Variants in KLHL3 observed in about 807,000 individuals in gnomAD.
KLHL3 encodes the protein kelch-like protein 3.
Under a neutral mutation model 70.5 loss-of-function variants are expected in KLHL3, and 19 were observed. That is an observed-to-expected ratio of 0.27 (90% CI 0.19 to 0.40). KLHL3 has a LOEUF of 0.40. Ranked by LOEUF, KLHL3 falls within the 10% of genes least tolerant of loss-of-function variation. The probability of loss-of-function intolerance (pLI) is 1.00; values close to 1 mark genes in which losing one functional copy is unlikely to be tolerated. For missense variants in KLHL3, 512 were observed against 771.1 expected (o/e 0.66, Z 3.98); for synonymous variants, 258 against 290.3 (o/e 0.89, Z 1.13).
At chr5:137,708,638 G>A (rs1283946758) in intron 3 of KLHL3, among the ~76,000 whole-genome samples, 1 of 152,134 alleles carries the variant, frequency 6.6e-6, no homozygotes, top group Non-Finnish European at 1.5e-5. Context: ...GGAGAGACAG[G>A]TAAAAAACAC....
At chr5:137,654,456 G>C (rs1009792831) in intron 8 of KLHL3, among the ~76,000 whole-genome samples, 1 of 152,134 alleles carries the variant, frequency 6.6e-6, no homozygotes, top group Non-Finnish European at 1.5e-5. Flanking sequence ...ATATGAATAG[G>C]ACAGACCTAT....
At chr5:137,663,455 C>T (rs1580742705) in intron 6 of KLHL3, among the ~76,000 whole-genome samples, 1 of 151,882 alleles carries the variant, frequency 6.6e-6, no homozygotes, top group African/African-American at 2.4e-5. Flanking sequence ...AACCTCCGCA[C>T]ATCCTCCCAT....
In KLHL3 at chr5:137,735,888, C is replaced by G. The variant is rs1322722820; in HGVS notation, c.-242G>C. Reference sequence around the variant, plus strand: ...TACCCAGAGCTCCCTGCAGCCCTTTCAGCTGCTAAAAGCAGCAACCCACTT... The same window carrying G: ...TACCCAGAGCTCCCTGCAGCCCTTTGAGCTGCTAAAAGCAGCAACCCACTT... On this transcript the variant is annotated 5_prime_UTR_variant, in exon 1 of 15. Coordinates refer to ENST00000309755, the MANE Select transcript of KLHL3 (RefSeq NM_017415.3). 1.0e-5 allele frequency: 6 copies of G among 582,130 alleles called. No individual in the cohort carries two copies. Among genetic ancestry groups the G allele is most frequent in the Non-Finnish European group, 1.9e-5 (6 of 321,608 alleles). The allele number at this position is 582,130 out of a possible 1,614,324, so 36.1% of individuals were successfully genotyped here. A position where few individuals can be genotyped will look rare whatever the true frequency, so the allele number is the denominator to read the frequency against.
Position 137,677,317 on chromosome 5 carries a change from G to A in KLHL3, c.636+228C>T, listed in dbSNP as rs184790856. 6.9e-3 allele frequency: 2,419 copies of A among 353,060 alleles called. 16 individuals carry two copies. Among genetic ancestry groups the A allele is most frequent in the Middle Eastern group, 0.012 (17 of 1,408 alleles). The allele number at this position is 353,060 out of a possible 1,614,324, so 21.9% of individuals were successfully genotyped here. Reference sequence around the variant, plus strand: ...CAAAAAATTAGCTGGGCATGGTGGCGGGTGCCTATAATCCCAGCTACTCAG... The same window carrying A: ...CAAAAAATTAGCTGGGCATGGTGGCAGGTGCCTATAATCCCAGCTACTCAG... On this transcript the variant is annotated intron_variant, in intron 6 of 14. Coordinates refer to ENST00000309755, the MANE Select transcript of KLHL3 (RefSeq NM_017415.3).
At chr5:137,631,026 T>C (rs916451533) in intron 12 of KLHL3, among the ~76,000 whole-genome samples, 1 of 148,274 alleles carries the variant, frequency 6.7e-6, no homozygotes, top group Admixed American at 6.8e-5. Flanking sequence ...TGGTCATATG[T>C]TTGGTACTAT....
rs199469643 is a variant in KLHL3 at position 137,637,323 on chromosome 5, C to T, written c.1292G>A (p.Arg431Gln). ...CACAACGCCCACACCCACACTGCTC[C>T]GCCGCGTGTTCATCGGGGCCACAAA... The part of the protein sequence containing the change: ...WFFVAPMNTR[R>Q]SSVGVGVVEG... The change falls in exon 11 of 15, where the codon CGG becomes CAG. Residue 431 changes from arginine to glutamine, a missense_variant. Transcript: ENST00000309755. The T allele has an allele frequency of 1.5e-5, 25 of 1,613,960 alleles. No homozygotes were observed. The highest frequency in any genetic ancestry group is 1.7e-5 in the Admixed American group (1 of 60,004).
intron 2 of KLHL3, among the ~76,000 whole-genome samples, chr5:137,718,294 T>C (rs1438936136): frequency 1.3e-5 from 2 of 152,192 alleles, no homozygotes; most frequent in African/African-American, 4.8e-5. Flanking sequence ...TAGTAACTTG[T>C]AACAGAAGTA....
chr5:137,666,431 C>T (rs1237769397), intron 6 of KLHL3, among the ~76,000 whole-genome samples: 3 of 152,178 alleles, frequency 2.0e-5, no homozygotes, highest in Admixed American at 1.3e-4. Context: ...TGTCTCTGCA[C>T]GCCATCTCCC....
Position 137,735,894 on chromosome 5 carries a change from C to A in KLHL3, c.-248G>T. On this transcript the variant is annotated 5_prime_UTR_variant, in exon 1 of 15. The change abolishes the stop of an existing upstream ORF in the 5' untranslated region. Coordinates refer to ENST00000309755, the MANE Select transcript of KLHL3 (RefSeq NM_017415.3). ...GAGCTCCCTGCAGCCCTTTCAGCTG[C>A]TAAAAGCAGCAACCCACTTGCTCCC... 1.8e-6 allele frequency: 1 copy of A among 567,516 alleles called. No individual in the cohort carries two copies. 35.2% of individuals were successfully genotyped at this position (567,516 alleles called of 1,614,324 possible). A position where few individuals can be genotyped will look rare whatever the true frequency, so the allele number is the denominator to read the frequency against.
At chr5:137,731,300 T>A (rs370496160) in intron 1 of KLHL3, among the ~76,000 whole-genome samples, 1 of 152,338 alleles carries the variant, frequency 6.6e-6, no homozygotes, top group East Asian at 1.9e-4. Context: ...TGCGTGCACA[T>A]CTGCTTCAGG....
chr5:137,724,159 T>C (rs1409061991), intron 1 of KLHL3, among the ~76,000 whole-genome samples: 2 of 152,332 alleles, frequency 1.3e-5, no homozygotes, highest in Admixed American at 1.3e-4. Context: ...CAAGTATTCA[T>C]TATAAATATT....
chr5:137,682,553 A>T (rs919451295), intron 5 of KLHL3, among the ~76,000 whole-genome samples: 2 of 152,106 alleles, frequency 1.3e-5, no homozygotes, highest in Non-Finnish European at 2.9e-5. Flanking sequence ...CAAATCTCAG[A>T]CCTAACCCCA....
chr5:137,626,763 G>A lies in KLHL3; in HGVS notation c.1592-867C>T, dbSNP rs191431670. On this transcript the variant is annotated intron_variant, in intron 13 of 14. Coordinates refer to ENST00000309755, the MANE Select transcript of KLHL3 (RefSeq NM_017415.3). ...TCACACCTGTAATCCCAGCACTTTG[G>A]GAGGCCAAGGCAGATGGATCACTTG... is the stretch of plus-strand genomic sequence containing the variant. Among the ~76,000 whole-genome samples the A allele has an allele frequency of 1.2e-3, 188 of 152,250 alleles. 1 individual carries two copies. The highest frequency in any genetic ancestry group is 2.3e-3 in the Non-Finnish European group (158 of 68,022).
At chr5:137,693,580 C>A (rs1402792469) in intron 4 of KLHL3, among the ~76,000 whole-genome samples, 1 of 152,102 alleles carries the variant, frequency 6.6e-6, no homozygotes, top group Non-Finnish European at 1.5e-5. Flanking sequence ...CCTATGGAAG[C>A]AGCAGGTAGT....
chr5:137,699,229 G>T (rs1408407954), intron 3 of KLHL3, among the ~76,000 whole-genome samples: 1 of 152,202 alleles, frequency 6.6e-6, no homozygotes, highest in Non-Finnish European at 1.5e-5. Context: ...CAAAGGTGAG[G>T]AAGGATGAGC....
At chr5:137,658,030 G>A in intron 8 of KLHL3, 101 bp downstream of exon 8, 1 of 1,181,288 alleles carries the variant, frequency 8.5e-7, no homozygotes, top group Non-Finnish European at 1.2e-6. Flanking sequence ...CAACCAAGAT[G>A]CAGGGCAGCC....
At position 137,618,449 on chromosome 5, in the gene KLHL3, A is replaced by G. The variant is rs1756286243; in HGVS notation, c.*3649T>C. 1 of 152,230 alleles carries G rather than the reference A, an allele frequency of 6.6e-6. No homozygotes were observed. Among genetic ancestry groups the G allele is most frequent in the Admixed American group, 6.5e-5 (1 of 15,288 alleles). 9.4% of individuals were successfully genotyped at this position (152,230 alleles called of 1,614,324 possible). ...AGCAAGTTGTAAGTGTAGTGTGAGCACCTGCAAAGCATATGCTTAACACAC... is the reference window on the plus strand; with the variant it reads ...AGCAAGTTGTAAGTGTAGTGTGAGCGCCTGCAAAGCATATGCTTAACACAC... On this transcript the variant is annotated 3_prime_UTR_variant, in exon 15 of 15. Transcript: ENST00000309755.
intron 7 of KLHL3, 38 bp from the exon 8 acceptor site, chr5:137,658,318 C>G (rs772679719): frequency 6.2e-7 from 1 of 1,608,180 alleles, no homozygotes; most frequent in Non-Finnish European, 8.5e-7. Context: ...TGGAGCACAG[C>G]TCAGCCACAT....
At chr5:137,657,509 A>G (rs991460580) in intron 8 of KLHL3, among the ~76,000 whole-genome samples, 1 of 152,068 alleles carries the variant, frequency 6.6e-6, no homozygotes, top group African/African-American at 2.4e-5. Context: ...GCCAGCACAC[A>G]CCATAAACTC....
Sources: allele counts gnomAD v4.1 joint callset (sites outside exome capture counted in the v4.1 genomes callset), GRCh38; gene constraint gnomAD v4.1.1; transcripts MANE v1.5; gene names NCBI Gene and HGNC (gene_info 2026-07-23, HGNC 2026-07-21).